The following MCTP2 variants were observed in gnomAD, a reference collection of about 807,000 sequenced individuals.
The protein encoded by MCTP2 is multiple C2 and transmembrane domain containing 2.
Under a neutral mutation model 111.6 loss-of-function variants are expected in MCTP2, and 132 were observed. The ratio of observed to expected loss-of-function variants is 1.18; its 90% CI spans 1.03 to 1.37. The LOEUF is 1.37. Among genes scored for constraint, MCTP2 ranks in the 40% most tolerant of loss-of-function variants. MCTP2 has a pLI of 0.00. For missense variants in MCTP2, 1,183 were observed against 1,067.9 expected, an observed-to-expected ratio of 1.11 and a Z score of -1.50; for synonymous variants, 395 against 387.7, an observed-to-expected ratio of 1.02 and a Z score of -0.22.
intron 1 of MCTP2, among the ~76,000 whole-genome samples, chr15:94,261,592 G>C (rs1369885496): frequency 6.6e-6 from 1 of 152,194 alleles, no homozygotes; most frequent in Admixed American, 6.5e-5. Flanking sequence ...GTTCAGTAAA[G>C]GTTGGTGTTT....
Position 94,269,047 on chromosome 15 carries a change from T to C in MCTP2, c.-65-29154T>C, listed in dbSNP as rs1212025462. 2.0e-5 allele frequency among the ~76,000 whole-genome samples: 3 copies of C among 152,194 alleles called. No individual in the cohort carries two copies. The East Asian group carries it at 5.8e-4, about 29-fold the overall frequency. On this transcript the variant is annotated intron_variant, in intron 1 of 22. Transcript: ENST00000357742. ...TTAGCATTATACTATTTTAATAATATTGTTTAAATGATTAGTATAAGGACT... is the reference window on the plus strand; with the variant it reads ...TTAGCATTATACTATTTTAATAATACTGTTTAAATGATTAGTATAAGGACT...
In MCTP2 at chr15:94,347,885, C is replaced by G. The variant is rs1429119234; in HGVS notation, c.1005+2721C>G. Reference sequence around the variant, plus strand: ...CTGCACATATTCTGTCTCTCTCTCTCACACACACACAGACATACACACACA... The same window carrying G: ...CTGCACATATTCTGTCTCTCTCTCTGACACACACACAGACATACACACACA... On this transcript the variant is annotated intron_variant, in intron 8 of 22. Transcript: ENST00000357742. 4.4e-5 allele frequency among the ~76,000 whole-genome samples: 6 copies of G among 136,870 alleles called. No individual in the cohort carries two copies. The East Asian group carries it at 1.3e-3, about 29-fold the overall frequency. The allele number at this position is 136,870 out of a possible 152,430, so 89.8% of individuals were successfully genotyped here.
At chr15:94,291,051 T>C (rs1279986040) in intron 1 of MCTP2, among the ~76,000 whole-genome samples, 1 of 152,158 alleles carries the variant, frequency 6.6e-6, no homozygotes, top group Admixed American at 6.5e-5. Context: ...TATACAATAC[T>C]CCACTCAACC....
intron 17 of MCTP2, among the ~76,000 whole-genome samples, chr15:94,421,901 G>T (rs575107472): frequency 1.9e-4 from 29 of 152,154 alleles, no homozygotes; most frequent in Admixed American, 1.9e-3. Context: ...CAATGAGGTC[G>T]TGCATTCCTG....
At chr15:94,394,759 C>T (rs2081194734) in intron 14 of MCTP2, among the ~76,000 whole-genome samples, 1 of 151,768 alleles carries the variant, frequency 6.6e-6, no homozygotes. Flanking sequence ...GGTGAGACTC[C>T]ATCTCAAAGA....
rs2077827216 is a variant in MCTP2 at position 94,344,144 on chromosome 15, C to G, written c.970-985C>G. The G allele has an allele frequency of 2.0e-5, 3 of 151,874 alleles. No homozygotes were observed. The South Asian group carries it at 6.2e-4, about 31-fold the overall frequency. The allele number at this position is 151,874 out of a possible 1,614,324, so 9.4% of individuals were successfully genotyped here. A position where few individuals can be genotyped will look rare whatever the true frequency, so the allele number is the denominator to read the frequency against. ...CTGTCATAGGCTGAATGTTGAACTC[C>G]CAATATCACTGGGGGACATGTAATT... On this transcript the variant is annotated intron_variant, in intron 7 of 22. Transcript: ENST00000357742.
chr15:94,257,124 C>G (rs1035939351), intron 1 of MCTP2, among the ~76,000 whole-genome samples: 5 of 152,164 alleles, frequency 3.3e-5, no homozygotes, highest in Non-Finnish European at 5.9e-5. Flanking sequence ...GGAACATGTT[C>G]TGGCTTTGGG....
At chr15:94,370,813 C>A (rs139998158) in intron 12 of MCTP2, among the ~76,000 whole-genome samples, 4 of 152,176 alleles carry the variant, frequency 2.6e-5, no homozygotes, top group African/African-American at 7.2e-5. Flanking sequence ...CAAATTACCC[C>A]CTTCTGCTGA....
In MCTP2 at chr15:94,395,890, G is replaced by A. The variant is rs554552983; in HGVS notation, c.1789-3071G>A. On this transcript the variant is annotated intron_variant, in intron 14 of 22. Coordinates refer to ENST00000357742, the MANE Select transcript of MCTP2 (RefSeq NM_001385001.1). The stretch of plus-strand genomic sequence containing the variant: ...TACTGACCGATTGAACCAGGGATCA[G>A]CTGTTAGCATGCTCTATAAAAGCTT... Among the ~76,000 whole-genome samples, 17 of 152,258 alleles carry A rather than the reference G, an allele frequency of 1.1e-4. No homozygotes were observed. The South Asian group carries it at 2.7e-3, about 24-fold the overall frequency.
chr15:94,318,322 C>T (rs1454928915), intron 4 of MCTP2, among the ~76,000 whole-genome samples: 5 of 147,340 alleles, frequency 3.4e-5, no homozygotes, highest in Non-Finnish European at 5.9e-5. Context: ...CTAGCTCTGT[C>T]GCCCAGGCTG....
intron 1 of MCTP2, among the ~76,000 whole-genome samples, chr15:94,296,112 C>T (rs1446209884): frequency 1.3e-5 from 2 of 152,122 alleles, no homozygotes; most frequent in African/African-American, 2.4e-5. Context: ...TTGACACTTC[C>T]CATTTCTTAC....
chr15:94,375,414 G>A (rs1222427987), intron 12 of MCTP2, among the ~76,000 whole-genome samples: 1 of 152,092 alleles, frequency 6.6e-6, no homozygotes, highest in African/African-American at 2.4e-5. Flanking sequence ...TAGTCTATAT[G>A]TTATGAAGAG....
chr15:94,355,572 C>G (rs1278644018), intron 8 of MCTP2, among the ~76,000 whole-genome samples: 2 of 152,154 alleles, frequency 1.3e-5, no homozygotes, highest in African/African-American at 4.8e-5. Context: ...CTCCCACCCC[C>G]ACTCCAGGTC....
chr15:94,340,351 T>A, intron 6 of MCTP2, 76 bp downstream of exon 6: 1 of 1,022,894 alleles, frequency 9.8e-7, no homozygotes, highest in Non-Finnish European at 1.5e-6. Flanking sequence ...TGGTGCTTGT[T>A]GAGGTCAAAT....
intron 17 of MCTP2, among the ~76,000 whole-genome samples, chr15:94,435,592 T>C (rs999555797): frequency 1.3e-5 from 2 of 151,196 alleles, no homozygotes; most frequent in African/African-American, 4.8e-5. Context: ...ATTTAAAAAA[T>C]CATGTCATCT....
At chr15:94,363,926 G>A (rs1222147319) in intron 10 of MCTP2, among the ~76,000 whole-genome samples, 2 of 152,000 alleles carry the variant, frequency 1.3e-5, no homozygotes, top group Non-Finnish European at 2.9e-5. Context: ...CCCTGCGTGT[G>A]TGTTTTCCAT....
In MCTP2 at chr15:94,256,184, T is replaced by G. The variant is rs182936593; in HGVS notation, c.-66+24520T>G. On this transcript the variant is annotated intron_variant, in intron 1 of 22. Transcript: ENST00000357742. ...TCACAGTCAAAATGCAGCCGAAACT[T>G]TGTTTCATGTGCAAAATTATTGAAA... Among the ~76,000 whole-genome samples, 38 of 152,310 alleles carry G rather than the reference T, an allele frequency of 2.5e-4. No individual in the cohort carries two copies. The East Asian group carries it at 7.1e-3, about 29-fold the overall frequency.
intron 2 of MCTP2, among the ~76,000 whole-genome samples, chr15:94,302,121 CTG>C (rs1200864987): frequency 6.6e-6 from 1 of 152,126 alleles, no homozygotes; most frequent in Admixed American, 6.5e-5. Flanking sequence ...GAGTGAGCAT[CTG>C]TGGCCTGAGG....
intron 1 of MCTP2, among the ~76,000 whole-genome samples, chr15:94,255,252 A>T (rs12907992): frequency 0.11 from 17,482 of 152,248 alleles, 1,335 homozygotes; most frequent in Non-Finnish European, 0.17. Context: ...TAAGTTTCCA[A>T]CTTGATCTAA....
Sources: allele counts gnomAD v4.1 joint callset (sites outside exome capture counted in the v4.1 genomes callset), GRCh38; gene constraint gnomAD v4.1.1; transcripts MANE v1.5; gene names NCBI Gene and HGNC (gene_info 2026-07-23, HGNC 2026-07-21).